ITPR1: variants seen among roughly 807,000 people sequenced by gnomAD.
ITPR1 encodes inositol 1,4,5-trisphosphate-gated calcium channel ITPR1.
A neutral mutation model predicts 318.4 loss-of-function variants in ITPR1; 96 were observed. That is an observed-to-expected ratio of 0.30 (90% CI 0.26 to 0.36). The LOEUF is 0.36. ITPR1 is among the 10% of genes least tolerant of loss of function. ITPR1 has a pLI of 1.00. For missense variants in ITPR1, 2,440 were observed against 3,460.2 expected, an observed-to-expected ratio of 0.71 and a Z score of 7.40; for synonymous variants, 1,312 against 1,289.9, an observed-to-expected ratio of 1.02 and a Z score of -0.37.
intron 44 of ITPR1, among the ~76,000 whole-genome samples, chr3:4,743,921 G>A (rs1396190464): frequency 1.3e-5 from 2 of 152,128 alleles, no homozygotes; most frequent in East Asian, 1.9e-4. Context: ...TGCAACCTCC[G>A]CCTCATGGGT....
chr3:4,695,076 T>C (rs2094536986), intron 33 of ITPR1, among the ~76,000 whole-genome samples: 1 of 152,258 alleles, frequency 6.6e-6, no homozygotes, highest in Admixed American at 6.5e-5. Context: ...GATGTTTTTT[T>C]ACAGTTGCAT....
At chr3:4,593,955 C>G (rs1302546642) in intron 4 of ITPR1, among the ~76,000 whole-genome samples, 2 of 152,164 alleles carry the variant, frequency 1.3e-5, no homozygotes, top group African/African-American at 4.8e-5. Context: ...GCCATTCCTA[C>G]TGGAGAGCTG....
At chr3:4,782,237 C>T (rs2046883932) in intron 49 of ITPR1, 1 of 159,000 alleles carries the variant, frequency 6.3e-6, no homozygotes, top group African/African-American at 2.4e-5. Flanking sequence ...TGGTAAAGGG[C>T]TGGGAGTGGG....
chr3:4,747,450 G>GACAT (rs1354529564), intron 44 of ITPR1, among the ~76,000 whole-genome samples: 5 of 152,240 alleles, frequency 3.3e-5, no homozygotes, highest in African/African-American at 1.2e-4. Context: ...TCCAGGCACA[G>GACAT]ACATGGCCGC....
chr3:4,708,260 C>T (rs1358062753), intron 37 of ITPR1, among the ~76,000 whole-genome samples: 2 of 151,748 alleles, frequency 1.3e-5, no homozygotes, highest in African/African-American at 4.8e-5. Flanking sequence ...TTTTTCTTAG[C>T]GTCTACCAAG....
At chr3:4,543,632 G>A (rs2084682555) in intron 4 of ITPR1, among the ~76,000 whole-genome samples, 1 of 152,052 alleles carries the variant, frequency 6.6e-6, no homozygotes, top group Non-Finnish European at 1.5e-5. Context: ...TAGTAGAGAT[G>A]GGGTTTCACC....
chr3:4,841,458 C>T (rs1487237800), intron 61 of ITPR1, among the ~76,000 whole-genome samples: 4 of 152,182 alleles, frequency 2.6e-5, no homozygotes, highest in Non-Finnish European at 5.9e-5. Context: ...TGGTTAATTC[C>T]GTTCCTTCTT....
At chr3:4,694,744 G>T (rs541838325) in intron 33 of ITPR1, among the ~76,000 whole-genome samples, 3 of 152,056 alleles carry the variant, frequency 2.0e-5, no homozygotes, top group Non-Finnish European at 4.4e-5. Flanking sequence ...TAATCTTATG[G>T]GTCACTGTTG....
intron 40 of ITPR1, among the ~76,000 whole-genome samples, chr3:4,723,864 T>G (rs1361198580): frequency 6.6e-6 from 1 of 152,132 alleles, no homozygotes; most frequent in Non-Finnish European, 1.5e-5. Flanking sequence ...TATCTCTGTC[T>G]GCTCTAAAAT....
In ITPR1 at chr3:4,768,635, T is replaced by G. The variant is rs551053471; in HGVS notation, c.5850T>G (p.Pro1950=). The part of the protein sequence containing the change: ...READPDDHYQ[P]GEGTQATADK... ...CTGATCCCGACGACCACTACCAGCC[T>G]GGAGAGGGCACCCAGGCCACTGCCG... Residue 1950 remains proline (P), a synonymous_variant, in exon 46 of 62, where the codon CCT becomes CCG. Transcript: ENST00000649015. 21 of 1,613,958 alleles carry G rather than the reference T, an allele frequency of 1.3e-5. No individual in the cohort carries two copies. The African/African-American group carries it at 2.5e-4, about 19-fold the overall frequency.
In ITPR1 at chr3:4,735,512, C is replaced by T; in HGVS notation, c.5544+158C>T. ...TTTGAAAAATGAGTTCTGCTAGTAT[C>T]CTGCTGTGATCATTTGGTCATAAAT... On this transcript the variant is annotated intron_variant, in intron 44 of 61. Transcript: ENST00000649015. The T allele has an allele frequency of 8.2e-6, 5 of 610,872 alleles. No homozygotes were observed. In the East Asian group the frequency reaches 1.1e-4, roughly 13 times the overall value. 37.8% of individuals were successfully genotyped at this position (610,872 alleles called of 1,614,324 possible).
intron 4 of ITPR1, among the ~76,000 whole-genome samples, chr3:4,545,691 C>CTTT (rs71623167): frequency 2.1e-3 from 213 of 103,364 alleles, no homozygotes; most frequent in African/African-American, 7.4e-3. Flanking sequence ...AGTATGCAAA[C>CTTT]TTTTTTTTTT....
intron 4 of ITPR1, among the ~76,000 whole-genome samples, chr3:4,579,354 T>G (rs555037804): frequency 1.5e-4 from 23 of 152,364 alleles, no homozygotes; most frequent in African/African-American, 5.5e-4. Context: ...TTAATATCAA[T>G]AAATATTTCT....
At chr3:4,634,262 G>T (rs1051971130) in intron 5 of ITPR1, among the ~76,000 whole-genome samples, 1 of 151,682 alleles carries the variant, frequency 6.6e-6, no homozygotes, top group African/African-American at 2.4e-5. Context: ...CACCCACGCT[G>T]GTGTGCAGTG....
chr3:4,645,942 G>A (rs1045633348), intron 10 of ITPR1: 18 of 517,608 alleles, frequency 3.5e-5, no homozygotes, highest in Non-Finnish European at 5.5e-5. Context: ...TTCCAAAAAT[G>A]GGTTGGGGAT....
At chr3:4,788,655 G>C (rs1416423319) in intron 52 of ITPR1, among the ~76,000 whole-genome samples, 1 of 152,178 alleles carries the variant, frequency 6.6e-6, no homozygotes, top group Non-Finnish European at 1.5e-5. Context: ...GTCCCATTGA[G>C]TATCCCAGCC....
At chr3:4,842,951 T>C (rs7355847) in intron 61 of ITPR1, among the ~76,000 whole-genome samples, 2 of 152,078 alleles carry the variant, frequency 1.3e-5, no homozygotes, top group East Asian at 1.9e-4. Flanking sequence ...ATAAGAAGAA[T>C]TGAACTAATA....
At chr3:4,519,102 T>C (rs1397666119) in intron 3 of ITPR1, among the ~76,000 whole-genome samples, 3 of 152,064 alleles carry the variant, frequency 2.0e-5, no homozygotes, top group Non-Finnish European at 4.4e-5. Context: ...CCGGTAGGGG[T>C]AAAATGCCAC....
chr3:4,747,937 C>G (rs2044225427), intron 44 of ITPR1, among the ~76,000 whole-genome samples: 1 of 152,200 alleles, frequency 6.6e-6, no homozygotes, highest in Non-Finnish European at 1.5e-5. Context: ...GCCCGTTTTG[C>G]TCAGAGAAGC....
Sources: gnomAD v4.1 joint callset for allele counts (sites outside exome capture counted in the v4.1 genomes callset) on GRCh38, gnomAD v4.1.1 for gene constraint, MANE v1.5 for transcripts, NCBI Gene and HGNC (gene_info 2026-07-23, HGNC 2026-07-21) for gene names.